The following GRIK1 variants were observed in gnomAD, a reference collection of about 807,000 sequenced individuals.
GRIK1 encodes the protein glutamate receptor ionotropic, kainate 1.
Under a neutral mutation model 105.7 loss-of-function variants are expected in GRIK1, and 69 were observed. That is an observed-to-expected ratio of 0.65 (90% CI 0.54 to 0.80). GRIK1 has a LOEUF of 0.80. Among genes scored for constraint, GRIK1 ranks in the 30% least tolerant of loss-of-function variants. The pLI, the probability that GRIK1 is intolerant of heterozygous loss-of-function variation, is 0.00. For missense variants in GRIK1, 1,109 were observed against 1,167.3 expected (o/e 0.95, Z 0.73); for synonymous variants, 438 against 431.3 (o/e 1.02, Z -0.19).
chr21:29,568,897 GCTGAATTAAA>G (rs528170712), intron 14 of GRIK1, among the ~76,000 whole-genome samples: 69 of 152,320 alleles, frequency 4.5e-4, no homozygotes, highest in African/African-American at 1.4e-3. Context: ...TATCAATTGA[GCTGAATTAAA>G]CTGAATTAAA....
At chr21:29,923,363 GAGAAAC>G (rs2071253095) in intron 1 of GRIK1, among the ~76,000 whole-genome samples, 1 of 152,134 alleles carries the variant, frequency 6.6e-6, no homozygotes, top group Non-Finnish European at 1.5e-5. Flanking sequence ...GAGAAAACTA[GAGAAAC>G]CTAGTAAAAC....
At chr21:29,685,701 C>T (rs532938849) in intron 3 of GRIK1, among the ~76,000 whole-genome samples, 88 of 152,222 alleles carry the variant, frequency 5.8e-4, no homozygotes, top group African/African-American at 2.0e-3. Flanking sequence ...GGGCTCAGAA[C>T]ATGACACCCC....
chr21:29,719,081 CATAT>C (rs71335089), intron 1 of GRIK1, among the ~76,000 whole-genome samples: 6 of 143,306 alleles, frequency 4.2e-5, no homozygotes, highest in Admixed American at 7.0e-5. Flanking sequence ...TGTGTATATA[CATAT>C]ATATATATAT....
intron 15 of GRIK1, among the ~76,000 whole-genome samples, chr21:29,561,004 A>G (rs2090467324): frequency 6.6e-6 from 1 of 152,248 alleles, no homozygotes; most frequent in Non-Finnish European, 1.5e-5. Flanking sequence ...CTATAGACGT[A>G]CAAGAATGCA....
At chr21:29,592,203 C>G (rs2061343365) in intron 9 of GRIK1, among the ~76,000 whole-genome samples, 1 of 152,180 alleles carries the variant, frequency 6.6e-6, no homozygotes, top group Non-Finnish European at 1.5e-5. Flanking sequence ...CTGTTCATAT[C>G]TCTGTCACAG....
At chr21:29,548,186 CATT>C (rs1376224579) in intron 16 of GRIK1, among the ~76,000 whole-genome samples, 3 of 152,180 alleles carry the variant, frequency 2.0e-5, no homozygotes, top group African/African-American at 7.2e-5. Flanking sequence ...CATGGACACA[CATT>C]GTTGTGTACT....
At chr21:29,605,789 A>G (rs2061602360) in intron 7 of GRIK1, among the ~76,000 whole-genome samples, 1 of 152,182 alleles carries the variant, frequency 6.6e-6, no homozygotes, top group Non-Finnish European at 1.5e-5. Context: ...ATTTTCCTTG[A>G]CATAGCCATT....
intron 1 of GRIK1, among the ~76,000 whole-genome samples, chr21:29,898,953 C>G (rs914636762): frequency 4.7e-5 from 7 of 149,456 alleles, no homozygotes; most frequent in African/African-American, 1.5e-4. Flanking sequence ...GCCTGGGCAA[C>G]AAGAGTGAAA....
At chr21:29,580,571 C>A (rs575523522) in intron 13 of GRIK1, among the ~76,000 whole-genome samples, 2 of 152,082 alleles carry the variant, frequency 1.3e-5, no homozygotes, top group African/African-American at 4.8e-5. Context: ...TTAGGGTTCA[C>A]CCCCAAGTAG....
At position 29,899,746 on chromosome 21, in the gene GRIK1, G is replaced by C. The variant is rs558899582; in HGVS notation, c.118+39637C>G. 1.0e-3 allele frequency among the ~76,000 whole-genome samples: 152 copies of C among 152,196 alleles called. 2 individuals carry two copies. Among genetic ancestry groups the C allele is most frequent in the African/African-American group, 3.5e-3 (145 of 41,524 alleles). On this transcript the variant is annotated intron_variant, in intron 1 of 17. Coordinates refer to ENST00000327783, the MANE Select transcript of GRIK1 (RefSeq NM_001330994.2). ...TGGTGGCATGTACTCTATGCTCCTT[G>C]TGCCAGGGCTGCCCCAGACTGAAGT...
At chr21:29,914,639 C>A (rs2070932810) in intron 1 of GRIK1, among the ~76,000 whole-genome samples, 1 of 152,132 alleles carries the variant, frequency 6.6e-6, no homozygotes, top group Non-Finnish European at 1.5e-5. Flanking sequence ...CTTCCCCCAT[C>A]TCCCTAGAAG....
At chr21:29,917,121 C>T (rs1377940275) in intron 1 of GRIK1, among the ~76,000 whole-genome samples, 5 of 151,958 alleles carry the variant, frequency 3.3e-5, no homozygotes, top group African/African-American at 1.2e-4. Context: ...GGCTTGCTTG[C>T]GCTTGCACAC....
chr21:29,798,373 C>T (rs539534784), intron 1 of GRIK1, among the ~76,000 whole-genome samples: 4 of 152,288 alleles, frequency 2.6e-5, no homozygotes, highest in South Asian at 4.1e-4. Context: ...CCAGGATTAT[C>T]GTTCATTACT....
At chr21:29,802,735 T>C (rs2145860860) in intron 1 of GRIK1, among the ~76,000 whole-genome samples, 1 of 152,312 alleles carries the variant, frequency 6.6e-6, no homozygotes, top group South Asian at 2.1e-4. Context: ...CTATCCATCA[T>C]CTGCGATCCA....
intron 1 of GRIK1, among the ~76,000 whole-genome samples, chr21:29,744,345 T>A (rs2065000403): frequency 6.6e-6 from 1 of 152,146 alleles, no homozygotes. Flanking sequence ...CTCTAGAGAT[T>A]TCTGTATTTA....
intron 5 of GRIK1, among the ~76,000 whole-genome samples, chr21:29,654,526 T>G (rs1258461481): frequency 6.6e-6 from 1 of 152,226 alleles, no homozygotes; most frequent in African/African-American, 2.4e-5. Flanking sequence ...AGTTTTTACT[T>G]TAATAGTTTC....
intron 14 of GRIK1, among the ~76,000 whole-genome samples, chr21:29,562,076 G>C (rs1235884081): frequency 6.6e-6 from 1 of 152,184 alleles, no homozygotes; most frequent in Non-Finnish European, 1.5e-5. Flanking sequence ...TGGAGACCTT[G>C]ATCTATAAGC....
chr21:29,697,229 C>G (rs1451044743), intron 1 of GRIK1, among the ~76,000 whole-genome samples: 1 of 152,146 alleles, frequency 6.6e-6, no homozygotes, highest in East Asian at 1.9e-4. Flanking sequence ...AAAATGTAAT[C>G]AAAGTGCCCT....
At chr21:29,904,669 T>G (rs1297344170) in intron 1 of GRIK1, among the ~76,000 whole-genome samples, 1 of 152,172 alleles carries the variant, frequency 6.6e-6, no homozygotes, top group African/African-American at 2.4e-5. Flanking sequence ...AAACATGTAC[T>G]TGTGCAGGGA....
Sources: allele counts gnomAD v4.1 joint callset (sites outside exome capture counted in the v4.1 genomes callset), GRCh38; gene constraint gnomAD v4.1.1; transcripts MANE v1.5; gene names NCBI Gene and HGNC (gene_info 2026-07-23, HGNC 2026-07-21).